The following MPP7 variants were observed in gnomAD, a reference collection of about 807,000 sequenced individuals.
The protein encoded by MPP7 is MAGUK p55 subfamily member 7.
In MPP7, 60 loss-of-function variants were observed where a neutral mutation model predicts 76.5. The observed-to-expected ratio is 0.78, with a 90% confidence interval of 0.64 to 0.97. MPP7 has a LOEUF of 0.97. Among genes scored for constraint, MPP7 ranks in the 50% least tolerant of loss-of-function variants. The probability of loss-of-function intolerance (pLI) is 0.00; values close to 1 mark genes in which losing one functional copy is unlikely to be tolerated. For synonymous variants in MPP7, 237 were observed against 244.5 expected, an observed-to-expected ratio of 0.97 and a Z score of 0.29; for missense variants, 641 against 694.0, an observed-to-expected ratio of 0.92 and a Z score of 0.86.
At chr10:28,299,843 G>A (rs1475178416) in intron 1 of MPP7, among the ~76,000 whole-genome samples, 1 of 147,752 alleles carries the variant, frequency 6.8e-6, no homozygotes, top group African/African-American at 2.5e-5. Context: ...TCAGCTTACT[G>A]CAAGCTCTGC....
rs552128621 is a variant in MPP7, at chr10:28,135,501, C to T, written c.316-3810G>A. ...CTACTGTATTGAGGCCAGGGATGCT[C>T]CTAAACATTTGGTCATATACAGGGC... On this transcript the variant is annotated intron_variant, in intron 5 of 16. Coordinates refer to ENST00000683449, the MANE Select transcript of MPP7 (RefSeq NM_001318170.2). Among the ~76,000 whole-genome samples the T allele has an allele frequency of 5.3e-5, 8 of 152,250 alleles. No individual in the cohort carries two copies. The South Asian group carries it at 1.5e-3, about 28-fold the overall frequency.
chr10:28,276,861 G>C (rs574194653), intron 1 of MPP7, among the ~76,000 whole-genome samples: 8 of 152,164 alleles, frequency 5.3e-5, no homozygotes, highest in Admixed American at 4.6e-4. Flanking sequence ...TCGTTTGACT[G>C]TGCCAGCTAT....
intron 1 of MPP7, among the ~76,000 whole-genome samples, chr10:28,297,983 A>G (rs2133147714): frequency 6.6e-6 from 1 of 152,346 alleles, no homozygotes; most frequent in East Asian, 1.9e-4. Flanking sequence ...CGAGTTTGAT[A>G]ATAAGATTGC....
intron 3 of MPP7, among the ~76,000 whole-genome samples, chr10:28,166,200 T>A (rs371366432): frequency 6.6e-6 from 1 of 151,918 alleles, no homozygotes; most frequent in Non-Finnish European, 1.5e-5. Context: ...TTATCTTATA[T>A]CATTCAGTAC....
intron 11 of MPP7, among the ~76,000 whole-genome samples, chr10:28,095,265 A>C (rs987017440): frequency 6.6e-6 from 1 of 151,138 alleles, no homozygotes; most frequent in Non-Finnish European, 1.5e-5. Flanking sequence ...ATGTATACAC[A>C]TGCACAGACA....
At chr10:28,185,772 T>G (rs1252394887) in intron 3 of MPP7, among the ~76,000 whole-genome samples, 1 of 152,132 alleles carries the variant, frequency 6.6e-6, no homozygotes, top group Admixed American at 6.6e-5. Context: ...TTCAAACACA[T>G]GCTCTAGAAA....
At chr10:28,077,098 AT>A (rs1852530586) in intron 12 of MPP7, among the ~76,000 whole-genome samples, 1 of 149,090 alleles carries the variant, frequency 6.7e-6, no homozygotes, top group Non-Finnish European at 1.5e-5. Flanking sequence ...AAAAAAAAAA[AT>A]CAACTCTCTA....
chr10:28,124,101 C>A lies in MPP7; in HGVS notation c.545G>T (p.Gly182Val), dbSNP rs752908091. ...CCCGTTGACTTCCCTAAGTTCATCA[C>A]CAACATGAATAAGACCTGAGAAATA... ...AADRSGLIHV[G>V]DELREVNGIP... The change falls in exon 8 of 17, where the codon GGT becomes GTT. Residue 182 changes from glycine to valine, a missense_variant. Coordinates refer to ENST00000683449, the MANE Select transcript of MPP7 (RefSeq NM_001318170.2). 37 of 1,609,842 alleles carry A rather than the reference C, an allele frequency of 2.3e-5. No individual in the cohort carries two copies. Among genetic ancestry groups the A allele is most frequent in the Non-Finnish European group, 3.0e-5 (35 of 1,176,384 alleles).
At chr10:28,108,810 A>C (rs1472237415) in intron 11 of MPP7, among the ~76,000 whole-genome samples, 1 of 152,212 alleles carries the variant, frequency 6.6e-6, no homozygotes, top group African/African-American at 2.4e-5. Context: ...GGGGAAGATC[A>C]TTTTAATGCC....
intron 4 of MPP7, among the ~76,000 whole-genome samples, chr10:28,147,948 T>G (rs1368381309): frequency 6.6e-6 from 1 of 152,140 alleles, no homozygotes; most frequent in Non-Finnish European, 1.5e-5. Flanking sequence ...ACAGAGCTTC[T>G]GAATGAGGTG....
In MPP7 at chr10:28,052,505, A is replaced by G. The variant is rs1851395805; in HGVS notation, c.*1560T>C. 6.6e-6 allele frequency: 1 copy of G among 152,636 alleles called. No individual in the cohort carries two copies. The highest frequency in any genetic ancestry group is 2.1e-4 in the South Asian group (1 of 4,836). 9.5% of individuals were successfully genotyped at this position (152,636 alleles called of 1,614,324 possible). ...AACTTGACAAGTATGAAGGAAAACCAGTGAATAATGCTATCAAATGTGCAG... is the reference window on the plus strand; with the variant it reads ...AACTTGACAAGTATGAAGGAAAACCGGTGAATAATGCTATCAAATGTGCAG... On this transcript the variant is annotated 3_prime_UTR_variant, in exon 17 of 17. Coordinates refer to ENST00000683449, the MANE Select transcript of MPP7 (RefSeq NM_001318170.2).
chr10:28,219,247 T>TA lies in MPP7; in HGVS notation c.38-16977dup, dbSNP rs1838415723. The stretch of plus-strand genomic sequence containing the variant: ...GACATATCTAAAATGGGAAAAAATT[T>TA]AAAAAATACAGAAGCACAAGAAGGA... On this transcript the variant is annotated intron_variant, in intron 2 of 16. Coordinates refer to ENST00000683449, the MANE Select transcript of MPP7 (RefSeq NM_001318170.2). Among the ~76,000 whole-genome samples the TA allele has an allele frequency of 7.9e-5, 12 of 152,266 alleles. No homozygotes were observed. The South Asian group carries it at 2.5e-3, about 32-fold the overall frequency.
chr10:28,215,566 T>C (rs764928074), intron 2 of MPP7, among the ~76,000 whole-genome samples: 1 of 152,078 alleles, frequency 6.6e-6, no homozygotes, highest in African/African-American at 2.4e-5. Context: ...AGACATTAAC[T>C]TGGAGGTGCT....
upstream of MPP7, among the ~76,000 whole-genome samples, chr10:28,304,776 A>T (rs1047874889): frequency 3.9e-5 from 6 of 152,198 alleles, no homozygotes; most frequent in Admixed American, 1.3e-4. Context: ...AAATTCCATC[A>T]CTAACATTCT....
chr10:28,219,849 G>A (rs1218782207), intron 2 of MPP7, among the ~76,000 whole-genome samples: 1 of 151,954 alleles, frequency 6.6e-6, no homozygotes, highest in Non-Finnish European at 1.5e-5. Context: ...CTTTGTCAAA[G>A]GTAAAATAAT....
At chr10:28,175,223 G>C (rs1836817879) in intron 3 of MPP7, among the ~76,000 whole-genome samples, 3 of 152,038 alleles carry the variant, frequency 2.0e-5, no homozygotes, top group Non-Finnish European at 4.4e-5. Flanking sequence ...CCAGGGGGCA[G>C]AGGGTGCAGT....
At chr10:28,250,438 T>C (rs1839579400) in intron 1 of MPP7, among the ~76,000 whole-genome samples, 1 of 152,194 alleles carries the variant, frequency 6.6e-6, no homozygotes, top group African/African-American at 2.4e-5. Flanking sequence ...CAGCCTCTTA[T>C]ATCCCAGAAT....
chr10:28,053,541 G>A lies in MPP7; in HGVS notation c.*524C>T, dbSNP rs1439013970. 4 of 152,408 alleles carry A rather than the reference G, an allele frequency of 2.6e-5. No homozygotes were observed. The highest frequency in any genetic ancestry group is 2.1e-4 in the South Asian group (1 of 4,830). The allele number at this position is 152,408 out of a possible 1,614,324, so 9.4% of individuals were successfully genotyped here. A position where few individuals can be genotyped will look rare whatever the true frequency, so the allele number is the denominator to read the frequency against. ...AATGCACACACTGTGAACGTATTGCGAATATGTAAGAAAGTCTACACTTTT... is the reference window on the plus strand; with the variant it reads ...AATGCACACACTGTGAACGTATTGCAAATATGTAAGAAAGTCTACACTTTT... On this transcript the variant is annotated 3_prime_UTR_variant, in exon 17 of 17. Coordinates refer to ENST00000683449, the MANE Select transcript of MPP7 (RefSeq NM_001318170.2).
At chr10:28,103,809 T>C (rs1287600680) in intron 11 of MPP7, among the ~76,000 whole-genome samples, 1 of 151,812 alleles carries the variant, frequency 6.6e-6, no homozygotes, top group Non-Finnish European at 1.5e-5. Flanking sequence ...CAGAAGAAAA[T>C]GGCAACCAGA....
Sources: gnomAD v4.1 joint callset for allele counts (sites outside exome capture counted in the v4.1 genomes callset) on GRCh38, gnomAD v4.1.1 for gene constraint, MANE v1.5 for transcripts, NCBI Gene and HGNC (gene_info 2026-07-23, HGNC 2026-07-21) for gene names.